The following MDFIC2 variants were observed in gnomAD, a reference collection of about 807,000 sequenced individuals.
The protein encoded by MDFIC2 is myoD family inhibitor domain-containing protein 2.
chr3:70,276,724 A>G (rs1487551703), intron 2 of MDFIC2, among the ~76,000 whole-genome samples: 2 of 152,220 alleles, frequency 1.3e-5, no homozygotes, highest in African/African-American at 4.8e-5. Context: ...AGCCATGCTC[A>G]TTAATTTATG....
At chr3:70,226,618 A>T (rs1268060922) in intron 2 of MDFIC2, among the ~76,000 whole-genome samples, 1 of 151,642 alleles carries the variant, frequency 6.6e-6, no homozygotes, top group Non-Finnish European at 1.5e-5. Flanking sequence ...GGTGCCTGTA[A>T]TCCCAGCTTC....
At chr3:70,229,212 A>G (rs1237219225) in intron 2 of MDFIC2, among the ~76,000 whole-genome samples, 1 of 152,194 alleles carries the variant, frequency 6.6e-6, no homozygotes, top group Non-Finnish European at 1.5e-5. Context: ...AAGGTGTCAG[A>G]GGAGGAATGG....
At chr3:70,274,056 CGTGT>C (rs111792704) in intron 2 of MDFIC2, among the ~76,000 whole-genome samples, 65 of 142,952 alleles carry the variant, frequency 4.5e-4, no homozygotes, top group South Asian at 2.9e-3. Flanking sequence ...ATTAAACCTC[CGTGT>C]GTGTGTGTGT....
chr3:70,207,100 C>A (rs1701298875), intron 2 of MDFIC2, among the ~76,000 whole-genome samples: 1 of 149,308 alleles, frequency 6.7e-6, no homozygotes, highest in East Asian at 2.0e-4. Flanking sequence ...TCAACAAAAT[C>A]TCATAGTACA....
At chr3:70,279,300 T>C (rs563188637) in intron 2 of MDFIC2, among the ~76,000 whole-genome samples, 2 of 152,012 alleles carry the variant, frequency 1.3e-5, no homozygotes, top group Non-Finnish European at 2.9e-5. Flanking sequence ...ATCAAACAAA[T>C]CATCCTTGAA....
chr3:70,265,414 G>T (rs1394177878), intron 2 of MDFIC2, among the ~76,000 whole-genome samples: 1 of 152,112 alleles, frequency 6.6e-6, no homozygotes, highest in Non-Finnish European at 1.5e-5. Context: ...TGCAGAGAAG[G>T]CAGGAAATCT....
intron 2 of MDFIC2, among the ~76,000 whole-genome samples, chr3:70,303,617 C>A (rs148485638): frequency 2.2e-4 from 33 of 152,198 alleles, no homozygotes; most frequent in Non-Finnish European, 4.1e-4. Context: ...TCTCAAAAAC[C>A]GATAAAGCTC....
At chr3:70,275,543 C>A (rs1450548557) in intron 2 of MDFIC2, among the ~76,000 whole-genome samples, 5 of 151,988 alleles carry the variant, frequency 3.3e-5, no homozygotes, top group South Asian at 2.1e-4. Flanking sequence ...CAAATCAAAT[C>A]AAAAAAACAA....
intron 2 of MDFIC2, among the ~76,000 whole-genome samples, chr3:70,211,047 CTT>C (rs1202011856): frequency 1.3e-5 from 2 of 152,026 alleles, no homozygotes; most frequent in Non-Finnish European, 2.9e-5. Flanking sequence ...CTAAATGTGA[CTT>C]TGTAATTTTT....
chr3:70,288,461 G>A (rs1038342270), intron 2 of MDFIC2, among the ~76,000 whole-genome samples: 1 of 151,314 alleles, frequency 6.6e-6, no homozygotes, highest in Non-Finnish European at 1.5e-5. Context: ...CATTTGCTGA[G>A]GAGAACTTTA....
At chr3:70,281,201 G>C (rs1158849744) in intron 2 of MDFIC2, among the ~76,000 whole-genome samples, 1 of 152,008 alleles carries the variant, frequency 6.6e-6, no homozygotes, top group Admixed American at 6.6e-5. Context: ...ATGCCAGAAG[G>C]ATCATATTAA....
chr3:70,230,659 A>G (rs1701550187), intron 2 of MDFIC2, among the ~76,000 whole-genome samples: 2 of 152,190 alleles, frequency 1.3e-5, no homozygotes, highest in Admixed American at 6.5e-5. Context: ...CAATGACAGC[A>G]AACGGTAATT....
chr3:70,286,775 A>G (rs1702168889), intron 2 of MDFIC2, among the ~76,000 whole-genome samples: 2 of 152,130 alleles, frequency 1.3e-5, no homozygotes, highest in East Asian at 1.9e-4. Flanking sequence ...GGTCCTTCAC[A>G]TCCCTTATAA....
chr3:70,262,185 A>G (rs78608033), intron 2 of MDFIC2, among the ~76,000 whole-genome samples: 12,196 of 152,238 alleles, frequency 0.08, 784 homozygotes, highest in East Asian at 0.35. Context: ...TCAAATAAAG[A>G]TGAAAGAACA....
chr3:70,197,438 TCA>T (rs1284354272), intron 3 of MDFIC2, among the ~76,000 whole-genome samples: 1 of 152,216 alleles, frequency 6.6e-6, no homozygotes, highest in Non-Finnish European at 1.5e-5. Flanking sequence ...TAAAGTGCTG[TCA>T]GTTTTCTAAA....
chr3:70,199,336 G>C (rs2106718552), intron 3 of MDFIC2, among the ~76,000 whole-genome samples: 1 of 152,130 alleles, frequency 6.6e-6, no homozygotes, highest in Non-Finnish European at 1.5e-5. Flanking sequence ...GCAGACTCTG[G>C]AGGTCTCCTC....
chr3:70,219,928 G>A (rs570779087), intron 2 of MDFIC2, among the ~76,000 whole-genome samples: 19 of 152,224 alleles, frequency 1.2e-4, no homozygotes, highest in East Asian at 3.9e-4. Context: ...ATGGTACTGC[G>A]ATGTATTTCC....
intron 2 of MDFIC2, among the ~76,000 whole-genome samples, chr3:70,243,010 C>T (rs890061805): frequency 6.6e-6 from 1 of 152,114 alleles, no homozygotes; most frequent in Non-Finnish European, 1.5e-5. Flanking sequence ...ACGATATAAC[C>T]GTTTTGTGAC....
chr3:70,241,718 C>A (rs756454549), intron 2 of MDFIC2, among the ~76,000 whole-genome samples: 2 of 152,106 alleles, frequency 1.3e-5, no homozygotes, highest in Non-Finnish European at 2.9e-5. Flanking sequence ...CTAAACATTG[C>A]GGCTACTAAG....
Sources: gnomAD v4.1 joint callset for allele counts (sites outside exome capture counted in the v4.1 genomes callset) on GRCh38, gnomAD v4.1.1 for gene constraint, MANE v1.5 for transcripts, NCBI Gene and HGNC (gene_info 2026-07-23, HGNC 2026-07-21) for gene names.